The following CDC45 variants were observed in gnomAD, a reference collection of about 807,000 sequenced individuals.
The protein encoded by CDC45 is cell division cycle 45.
A neutral mutation model predicts 77.8 loss-of-function variants in CDC45; 54 were observed. The ratio of observed to expected loss-of-function variants is 0.69; its 90% CI spans 0.56 to 0.87. The LOEUF is 0.87. Among genes scored for constraint, CDC45 ranks in the 40% least tolerant of loss-of-function variants. The pLI, the probability that CDC45 is intolerant of heterozygous loss-of-function variation, is 0.00. For synonymous variants in CDC45, 260 were observed against 272.1 expected, an observed-to-expected ratio of 0.96 and a Z score of 0.44; for missense variants, 649 against 721.6, an observed-to-expected ratio of 0.90 and a Z score of 1.15.
At chr22:19,491,726 GAC>G (rs1316479571) in intron 5 of CDC45, among the ~76,000 whole-genome samples, 4 of 151,994 alleles carry the variant, frequency 2.6e-5, no homozygotes, top group South Asian at 2.1e-4. Flanking sequence ...ATTTTTTTGA[GAC>G]AGAGTCTTGC....
intron 13 of CDC45, among the ~76,000 whole-genome samples, chr22:19,514,540 C>T (rs1933675159): frequency 6.6e-5 from 10 of 152,194 alleles, no homozygotes; most frequent in Admixed American, 3.9e-4. Context: ...CTTGCACCCG[C>T]TCCACCTCTC....
At position 19,507,793 on chromosome 22, in the gene CDC45, G is replaced by T; in HGVS notation, c.984G>T (p.Lys328Asn). Residue 328 changes from lysine to asparagine, a missense_variant, in exon 12 of 19, where the codon AAG becomes AAT. Transcript: ENST00000263201. ...MGLPLKQVKQ[K>N]FQAMDISLKE... is the part of the protein sequence containing the mutation. ...TTCCCCTGAAGCAGGTGAAGCAGAAGTTCCAGGCCATGGACATCTCCTTGA... is the reference window on the plus strand; with the variant it reads ...TTCCCCTGAAGCAGGTGAAGCAGAATTTCCAGGCCATGGACATCTCCTTGA... 6.2e-7 allele frequency: 1 copy of T among 1,601,676 alleles called. No homozygotes were observed. Among genetic ancestry groups the T allele is most frequent in the South Asian group, 1.1e-5 (1 of 88,202 alleles).
At chr22:19,516,966 G>A in intron 17 of CDC45, 73 bp downstream of exon 17, 1 of 1,303,664 alleles carries the variant, frequency 7.7e-7, no homozygotes, top group Non-Finnish European at 1.1e-6. Flanking sequence ...CTGGAACCAA[G>A]CAAGTTGGCA....
intron 5 of CDC45, among the ~76,000 whole-genome samples, chr22:19,488,123 A>G (rs1018141699): frequency 6.6e-6 from 1 of 152,212 alleles, no homozygotes; most frequent in Non-Finnish European, 1.5e-5. Context: ...TGTATCTGCT[A>G]TAACAGCTTT....
chr22:19,497,440 A>G lies in CDC45; in HGVS notation c.646A>G (p.Met216Val), dbSNP rs759163689. 7 of 1,613,958 alleles carry G rather than the reference A, an allele frequency of 4.3e-6. No individual in the cohort carries two copies. In the South Asian group the frequency reaches 7.7e-5, roughly 18 times the overall value. ...GATGCTGTCCAAGGACCTGAATGAC[A>G]TGCTGTGGTACGTAGCCCCTGCGGC... ...AWMLSKDLND[M>V]LWWAIVGLTD... The change falls in exon 8 of 19, where the codon ATG (methionine) becomes GTG (valine). Residue 216 changes from methionine to valine, a missense_variant. Physicochemically the swap from Met to Val is conservative, Grantham distance 21 (BLOSUM62 1). Coordinates refer to ENST00000263201, the MANE Select transcript of CDC45 (RefSeq NM_003504.5).
chr22:19,483,014 A>G (rs550671047), intron 4 of CDC45, among the ~76,000 whole-genome samples, 187 bp downstream of exon 4: 9 of 151,630 alleles, frequency 5.9e-5, no homozygotes, highest in Non-Finnish European at 1.2e-4. Context: ...CACTGGCACA[A>G]TCATGGCTCA....
rs1023062242 is a variant in CDC45 at position 19,499,018 on chromosome 22, G to A, written c.654-83G>A. The A allele has an allele frequency of 5.9e-5, 86 of 1,449,220 alleles. No homozygotes were observed. In the Middle Eastern group the frequency reaches 1.1e-3, roughly 18 times the overall value. The allele number at this position is 1,449,220 out of a possible 1,614,324, so 89.8% of individuals were successfully genotyped here. On this transcript the variant is annotated intron_variant, in intron 8 of 18. Coordinates refer to ENST00000263201, the MANE Select transcript of CDC45 (RefSeq NM_003504.5). ...TCCCCAGAGTGCTGAGCTTGGGCCC[G>A]TTCCATCATCTCACTCCATCCCCCA...
intron 5 of CDC45, among the ~76,000 whole-genome samples, chr22:19,493,634 G>T (rs2090191315): frequency 6.6e-6 from 1 of 152,076 alleles, no homozygotes; most frequent in Admixed American, 6.6e-5. Context: ...AGTAGAGACG[G>T]GGTTTTACCA....
rs753248916 is a variant in CDC45, at chr22:19,480,240, G to A, written c.111+23G>A. On this transcript the variant is annotated intron_variant, in intron 2 of 18. Transcript: ENST00000263201. ...CAGGTGAGTTCTGCGGACCCTAGGA[G>A]GGCGGGGCCGGCGCGCGAGGTGAGG... 18 of 1,610,686 alleles carry A rather than the reference G, an allele frequency of 1.1e-5. No homozygotes were observed. In the Admixed American group the frequency reaches 1.2e-4, roughly 10 times the overall value.
At chr22:19,508,428 T>C in intron 12 of CDC45, 102 bp from the exon 13 acceptor site, 1 of 1,219,016 alleles carries the variant, frequency 8.2e-7, no homozygotes, top group Non-Finnish European at 1.2e-6. Context: ...CTGGAAGCAT[T>C]GACTTGGGCC....
intron 5 of CDC45, among the ~76,000 whole-genome samples, chr22:19,486,709 G>T (rs1286026743): frequency 6.6e-6 from 1 of 152,100 alleles, no homozygotes; most frequent in Non-Finnish European, 1.5e-5. Flanking sequence ...TTGAGACGGA[G>T]TCTCGCTCTG....
intron 8 of CDC45, among the ~76,000 whole-genome samples, chr22:19,498,012 A>G (rs2090274195): frequency 8.4e-6 from 1 of 118,842 alleles, no homozygotes; most frequent in Admixed American, 8.7e-5. Flanking sequence ...TACCAAAAAT[A>G]GAAAAAAAAA....
chr22:19,495,993 C>T lies in CDC45; in HGVS notation c.555C>T (p.Leu185=). Residue 185 remains leucine, a synonymous_variant, in exon 7 of 19, where the codon CTC becomes CTT. Coordinates refer to ENST00000263201, the MANE Select transcript of CDC45 (RefSeq NM_003504.5). ...TATGTCATTACAGAAGAGACATCCT[C>T]TTTGACTACGAGCAGTATGAATATC... ...REWEARRRDI[L]FDYEQYEYHG... is the part of the protein sequence containing the mutation. 1 of 1,611,824 alleles carries T rather than the reference C, an allele frequency of 6.2e-7. No homozygotes were observed. Among genetic ancestry groups the T allele is most frequent in the Non-Finnish European group, 8.5e-7 (1 of 1,177,954 alleles).
intron 10 of CDC45, among the ~76,000 whole-genome samples, chr22:19,506,821 C>A (rs1933208778): frequency 6.6e-6 from 1 of 152,048 alleles, no homozygotes; most frequent in Non-Finnish European, 1.5e-5. Context: ...ATAGTCCCAG[C>A]TATTCGGGAG....
upstream of CDC45, chr22:19,479,811 AT>A: frequency 1.3e-6 from 1 of 752,050 alleles, no homozygotes; most frequent in African/African-American, 1.7e-5. Flanking sequence ...GCCGCCTCCA[AT>A]GTGGCCCAAT....
chr22:19,496,095 A>T (rs2090237796), intron 7 of CDC45, 66 bp downstream of exon 7: 2 of 1,088,986 alleles, frequency 1.8e-6, no homozygotes, highest in Non-Finnish European at 2.8e-6. Flanking sequence ...CTCAAATGTG[A>T]AGAAGAAACG....
rs1053655058 is a variant in CDC45 at position 19,505,230 on chromosome 22, C to G, written c.705-132C>G. The G allele has an allele frequency of 5.1e-6, 5 of 987,224 alleles. No homozygotes were observed. The Admixed American group carries it at 6.2e-5, about 12-fold the overall frequency. 61.2% of individuals were successfully genotyped at this position (987,224 alleles called of 1,614,324 possible). On this transcript the variant is annotated intron_variant, in intron 9 of 18. Transcript: ENST00000263201. Reference sequence around the variant, plus strand: ...TCTATGCAGGCTGCATGTCCTTAGTCCCTGCATGGGAACAGCTCCTGTGGT... The same window carrying G: ...TCTATGCAGGCTGCATGTCCTTAGTGCCTGCATGGGAACAGCTCCTGTGGT...
chr22:19,497,528 G>A, intron 8 of CDC45, 81 bp downstream of exon 8: 3 of 1,194,854 alleles, frequency 2.5e-6, no homozygotes, highest in Non-Finnish European at 3.7e-6. Flanking sequence ...CCTCCCACAG[G>A]GAGGGTGTTT....
In CDC45 at chr22:19,514,775, G is replaced by A; in HGVS notation, c.1244G>A (p.Gly415Asp). The A allele has an allele frequency of 6.2e-7, 1 of 1,613,320 alleles. No homozygotes were observed. Among genetic ancestry groups the A allele is most frequent in the Non-Finnish European group, 8.5e-7 (1 of 1,179,600 alleles). Reference protein sequence around the residue: ...SRSNLDKLYHGLELAKKQLRA... With the variant: ...SRSNLDKLYHDLELAKKQLRA... ...AGTAACCTGGACAAGCTGTACCATG[G>A]CCTGGAACTCGCCAAGAAGCAGCTG... Residue 415 changes from glycine to aspartate, a missense_variant, in exon 14 of 19, where the codon GGC becomes GAC. Coordinates refer to ENST00000263201, the MANE Select transcript of CDC45 (RefSeq NM_003504.5).
Sources: gnomAD v4.1 joint callset for allele counts (sites outside exome capture counted in the v4.1 genomes callset) on GRCh38, gnomAD v4.1.1 for gene constraint, MANE v1.5 for transcripts, NCBI Gene and HGNC (gene_info 2026-07-23, HGNC 2026-07-21) for gene names.